Variants in NALF1 observed in about 807,000 individuals in gnomAD.
The protein encoded by NALF1 is family with sequence similarity 155 member A.
In NALF1, 3 loss-of-function variants were observed where a neutral mutation model predicts 48.4. The ratio of observed to expected loss-of-function variants is 0.06; its 90% CI spans 0.03 to 0.16. NALF1 has a LOEUF of 0.16. Ranked by LOEUF, NALF1 falls within the 10% of genes least tolerant of loss-of-function variation. The pLI is 1.00. For synonymous variants in NALF1, 262 were observed against 245.7 expected (o/e 1.07, Z -0.62); for missense variants, 526 against 571.5 (o/e 0.92, Z 0.81).
intron 1 of NALF1, among the ~76,000 whole-genome samples, chr13:107,474,178 A>G (rs1286625258): frequency 6.6e-6 from 1 of 152,220 alleles, no homozygotes; most frequent in South Asian, 2.1e-4. Context: ...CAACAGGCAT[A>G]TAAGTTATTA....
At chr13:107,274,687 T>A (rs1357273412) in intron 1 of NALF1, among the ~76,000 whole-genome samples, 1 of 152,178 alleles carries the variant, frequency 6.6e-6, no homozygotes, top group Non-Finnish European at 1.5e-5. Flanking sequence ...TTTCTTTGGG[T>A]TATGGAAAGC....
intron 1 of NALF1, among the ~76,000 whole-genome samples, chr13:107,846,167 G>C (rs1880166608): frequency 6.6e-6 from 1 of 152,124 alleles, no homozygotes; most frequent in Non-Finnish European, 1.5e-5. Flanking sequence ...GCTTCAGTCA[G>C]TGAAAGGTAG....
At chr13:107,681,099 A>G (rs1257719130) in intron 1 of NALF1, among the ~76,000 whole-genome samples, 2 of 152,064 alleles carry the variant, frequency 1.3e-5, no homozygotes, top group Non-Finnish European at 1.5e-5. Flanking sequence ...TTCCCTGTTG[A>G]TGGTCTTTCC....
chr13:107,203,621 CCT>C (rs1214040856), intron 2 of NALF1, among the ~76,000 whole-genome samples: 7 of 152,140 alleles, frequency 4.6e-5, no homozygotes, highest in Non-Finnish European at 1.0e-4. Context: ...CGTGGTGCCC[CCT>C]GACATCGTGA....
In NALF1 at chr13:107,826,635, T is replaced by C. The variant is rs532991322; in HGVS notation, c.915+39047A>G. On this transcript the variant is annotated intron_variant, in intron 1 of 2. Transcript: ENST00000375915. The stretch of plus-strand genomic sequence containing the variant: ...CTCCTTTTAGCATTACAGTGGGTGA[T>C]GTCAGAGTGAAATGTGCCTGCATAA... Among the ~76,000 whole-genome samples the C allele has an allele frequency of 7.2e-5, 11 of 152,350 alleles. 1 individual carries two copies. In the South Asian group the frequency reaches 1.9e-3, roughly 26 times the overall value.
chr13:107,342,802 G>A (rs1326346094), intron 1 of NALF1, among the ~76,000 whole-genome samples: 2 of 152,120 alleles, frequency 1.3e-5, no homozygotes, highest in Non-Finnish European at 2.9e-5. Context: ...GAAAACAAGA[G>A]TCAATGACTC....
chr13:107,465,339 CTT>C (rs5806656), intron 1 of NALF1, among the ~76,000 whole-genome samples: 10,633 of 150,688 alleles, frequency 0.071, 445 homozygotes, highest in African/African-American at 0.11. Context: ...ATATATGTCT[CTT>C]TGTTTACTTT....
chr13:107,296,791 T>A lies in NALF1; in HGVS notation c.916-86036A>T, dbSNP rs560265542. On this transcript the variant is annotated intron_variant, in intron 1 of 2. Transcript: ENST00000375915. ...GGTAAAAAAGAAAATATATATATATTTTTCAGAGTGGCAAGAGCTGATAAA... is the reference window on the plus strand; with the variant it reads ...GGTAAAAAAGAAAATATATATATATATTTCAGAGTGGCAAGAGCTGATAAA... Among the ~76,000 whole-genome samples, 47 of 152,032 alleles carry A rather than the reference T, an allele frequency of 3.1e-4. 1 individual carries two copies. The South Asian group carries it at 9.8e-3, about 32-fold the overall frequency.
intron 1 of NALF1, among the ~76,000 whole-genome samples, chr13:107,314,896 T>TCTGGTTTGGTGGTGG (rs1882115881): frequency 6.6e-6 from 1 of 152,120 alleles, no homozygotes; most frequent in African/African-American, 2.4e-5. Flanking sequence ...ATCCAAGCCA[T>TCTGGTTTGGTGGTGG]AAAGTTGTCA....
At chr13:107,811,423 G>T (rs1371500664) in intron 1 of NALF1, among the ~76,000 whole-genome samples, 2 of 152,074 alleles carry the variant, frequency 1.3e-5, no homozygotes, top group African/African-American at 4.8e-5. Flanking sequence ...AATCTCCAAT[G>T]TGCCTTTTAA....
chr13:107,623,052 C>T lies in NALF1; in HGVS notation c.915+242630G>A, dbSNP rs530429163. ...GGTTACCACTGTTTCCCACGACATG[C>T]TCTTAAGAATGTCATGAGTTCTCAT... On this transcript the variant is annotated intron_variant, in intron 1 of 2. Coordinates refer to ENST00000375915, the MANE Select transcript of NALF1 (RefSeq NM_001080396.3). Among the ~76,000 whole-genome samples, 11 of 152,258 alleles carry T rather than the reference C, an allele frequency of 7.2e-5. No homozygotes were observed. The South Asian group carries it at 2.3e-3, about 32-fold the overall frequency.
At chr13:107,742,527 C>T (rs9520568) in intron 1 of NALF1, among the ~76,000 whole-genome samples, 107,246 of 152,086 alleles carry the variant, frequency 0.71, 40,282 homozygotes, top group Non-Finnish European at 0.84. Context: ...ACTTTACCTT[C>T]CTGCCGCCAT....
chr13:107,570,008 T>G (rs1368025930), intron 1 of NALF1, among the ~76,000 whole-genome samples: 1 of 152,198 alleles, frequency 6.6e-6, no homozygotes, highest in Non-Finnish European at 1.5e-5. Context: ...TGTTCCTTGA[T>G]AGTATAAAGA....
At chr13:107,486,810 T>C (rs1043528620) in intron 1 of NALF1, among the ~76,000 whole-genome samples, 2 of 152,208 alleles carry the variant, frequency 1.3e-5, no homozygotes, top group African/African-American at 4.8e-5. Flanking sequence ...CTTTTGGATA[T>C]TGAAGGGAGT....
chr13:107,657,065 C>T (rs1443903404), intron 1 of NALF1, among the ~76,000 whole-genome samples: 1 of 151,830 alleles, frequency 6.6e-6, no homozygotes, highest in African/African-American at 2.4e-5. Context: ...ACATTGGGTA[C>T]AATGTACACT....
intron 1 of NALF1, among the ~76,000 whole-genome samples, chr13:107,315,897 A>T (rs113150620): frequency 6.0e-5 from 9 of 149,340 alleles, no homozygotes; most frequent in East Asian, 2.0e-4. Flanking sequence ...ATATATATAT[A>T]TATTTATTTA....
At chr13:107,368,886 C>T (rs538659879) in intron 1 of NALF1, among the ~76,000 whole-genome samples, 1 of 152,310 alleles carries the variant, frequency 6.6e-6, no homozygotes, top group African/African-American at 2.4e-5. Context: ...TACATTTTAA[C>T]TTCACCTCCT....
At chr13:107,240,512 T>G (rs1480178277) in intron 1 of NALF1, among the ~76,000 whole-genome samples, 2 of 152,230 alleles carry the variant, frequency 1.3e-5, no homozygotes, top group African/African-American at 4.8e-5. Context: ...ATTTAGTAAG[T>G]GGTTATCTAT....
At chr13:107,380,322 G>A (rs187964703) in intron 1 of NALF1, among the ~76,000 whole-genome samples, 1 of 152,300 alleles carries the variant, frequency 6.6e-6, no homozygotes, top group African/African-American at 2.4e-5. Flanking sequence ...GATTATTTAT[G>A]TGATAGTGAT....
Sources: gnomAD v4.1 joint callset for allele counts (sites outside exome capture counted in the v4.1 genomes callset) on GRCh38, gnomAD v4.1.1 for gene constraint, MANE v1.5 for transcripts, NCBI Gene and HGNC (gene_info 2026-07-23, HGNC 2026-07-21) for gene names.